WWOX: variants seen among roughly 807,000 people sequenced by gnomAD.
WWOX encodes WW domain-containing oxidoreductase.
A neutral mutation model predicts 46.2 loss-of-function variants in WWOX; 69 were observed. The observed-to-expected ratio is 1.49, with a 90% CI of 1.23 to 1.82. WWOX has a LOEUF of 1.82. WWOX is among the 40% of genes most tolerant of loss of function. The pLI is 0.00. For missense variants in WWOX, 919 were observed against 542.6 expected (o/e 1.69, Z -6.89); for synonymous variants, 359 against 202.6 (o/e 1.77, Z -6.56).
intron 8 of WWOX, among the ~76,000 whole-genome samples, chr16:79,211,343 ATTTAT>A (rs2051738522): frequency 6.6e-6 from 1 of 152,082 alleles, no homozygotes; most frequent in Non-Finnish European, 1.5e-5. Context: ...TGATATGTGT[ATTTAT>A]TTTCCAAGCC....
intron 8 of WWOX, among the ~76,000 whole-genome samples, chr16:78,608,107 G>T (rs2045806674): frequency 6.6e-6 from 1 of 152,142 alleles, no homozygotes; most frequent in Non-Finnish European, 1.5e-5. Context: ...GATGTGATGT[G>T]GCTTTCTCCA....
At chr16:78,299,433 G>T (rs561234561) in intron 5 of WWOX, among the ~76,000 whole-genome samples, 1 of 152,142 alleles carries the variant, frequency 6.6e-6, no homozygotes, top group Admixed American at 6.5e-5. Flanking sequence ...AAATCAATGT[G>T]CTGAATCAGT....
At chr16:78,437,282 A>T (rs1211409858) in intron 8 of WWOX, among the ~76,000 whole-genome samples, 2 of 152,052 alleles carry the variant, frequency 1.3e-5, no homozygotes, top group African/African-American at 4.8e-5. Context: ...TAATTAGGTC[A>T]CTCTTCATGG....
intron 8 of WWOX, among the ~76,000 whole-genome samples, chr16:78,949,607 G>A (rs1160623048): frequency 1.3e-5 from 2 of 152,182 alleles, no homozygotes; most frequent in Non-Finnish European, 2.9e-5. Flanking sequence ...TTTCACAGAT[G>A]AACACATTTC....
intron 8 of WWOX, among the ~76,000 whole-genome samples, chr16:78,816,932 A>C (rs1226592277): frequency 6.6e-6 from 1 of 152,150 alleles, no homozygotes; most frequent in African/African-American, 2.4e-5. Context: ...GTCCCAGAGT[A>C]AGTTATTATT....
intron 8 of WWOX, among the ~76,000 whole-genome samples, chr16:79,201,014 A>G (rs1185199050): frequency 6.6e-6 from 1 of 152,166 alleles, no homozygotes; most frequent in Non-Finnish European, 1.5e-5. Flanking sequence ...GTGCCCAGGA[A>G]ATGGCCAAAT....
At chr16:78,277,900 C>T (rs2079608896) in intron 5 of WWOX, among the ~76,000 whole-genome samples, 4 of 152,092 alleles carry the variant, frequency 2.6e-5, no homozygotes, top group Admixed American at 2.6e-4. Context: ...TTTGCTAACA[C>T]CGTGGAAATT....
chr16:78,316,060 A>G (rs1479005093), intron 5 of WWOX, among the ~76,000 whole-genome samples: 3 of 152,016 alleles, frequency 2.0e-5, no homozygotes, highest in Admixed American at 6.6e-5. Context: ...AGCCTGGCCC[A>G]CATGGTGAAA....
At chr16:79,186,623 G>A (rs148999200) in intron 8 of WWOX, among the ~76,000 whole-genome samples, 66 of 152,170 alleles carry the variant, frequency 4.3e-4, no homozygotes, top group African/African-American at 1.4e-3. Context: ...AGGCAATGGC[G>A]GTTGGGACTT....
intron 5 of WWOX, among the ~76,000 whole-genome samples, chr16:78,192,708 C>G (rs7205631): frequency 0.23 from 35,307 of 152,060 alleles, 4,308 homozygotes; most frequent in South Asian, 0.34. Context: ...TGGATATAGT[C>G]TCTTCCTTGT....
chr16:79,087,893 G>A (rs969259155), intron 8 of WWOX, among the ~76,000 whole-genome samples: 1 of 152,172 alleles, frequency 6.6e-6, no homozygotes, highest in Non-Finnish European at 1.5e-5. Flanking sequence ...GGATGTGGAA[G>A]GATGTTCTGG....
intron 8 of WWOX, among the ~76,000 whole-genome samples, chr16:78,808,014 G>C (rs961492575): frequency 4.6e-5 from 7 of 152,150 alleles, no homozygotes; most frequent in Admixed American, 3.9e-4. Context: ...CAGAATTAAA[G>C]TCAACCAGTT....
At chr16:78,291,721 T>TA (rs150174043) in intron 5 of WWOX, among the ~76,000 whole-genome samples, 3,060 of 150,830 alleles carry the variant, frequency 0.02, 53 homozygotes, top group African/African-American at 0.046. Flanking sequence ...AAAAAATAAA[T>TA]AAAAAAAAAG....
chr16:78,759,338 G>A (rs889606156), intron 8 of WWOX, among the ~76,000 whole-genome samples: 1 of 152,172 alleles, frequency 6.6e-6, no homozygotes, highest in Non-Finnish European at 1.5e-5. Flanking sequence ...GCCATAAAGA[G>A]CCAGGCAAGG....
intron 8 of WWOX, among the ~76,000 whole-genome samples, chr16:78,953,362 A>C (rs554586600): frequency 6.6e-6 from 1 of 152,184 alleles, no homozygotes; most frequent in Non-Finnish European, 1.5e-5. Context: ...GGCTTTGCAC[A>C]CTAATTGTAT....
At chr16:78,945,389 C>T (rs1044899175) in intron 8 of WWOX, among the ~76,000 whole-genome samples, 3 of 152,068 alleles carry the variant, frequency 2.0e-5, no homozygotes, top group African/African-American at 7.2e-5. Context: ...TTGTGAAATC[C>T]ACCCTTAGTT....
At chr16:78,668,695 G>C (rs929008972) in intron 8 of WWOX, among the ~76,000 whole-genome samples, 1 of 152,142 alleles carries the variant, frequency 6.6e-6, no homozygotes, top group Non-Finnish European at 1.5e-5. Context: ...CATCAGATGG[G>C]CTTTGGAATC....
chr16:78,516,077 A>G (rs192403961), intron 8 of WWOX, among the ~76,000 whole-genome samples: 35 of 152,090 alleles, frequency 2.3e-4, no homozygotes, highest in Non-Finnish European at 3.8e-4. Context: ...GCTCATCCCA[A>G]TTATTGAAAC....
intron 5 of WWOX, among the ~76,000 whole-genome samples, chr16:78,226,226 T>C (rs535125748): frequency 1.3e-5 from 2 of 152,214 alleles, no homozygotes; most frequent in African/African-American, 4.8e-5. Flanking sequence ...AGTTTGAGTT[T>C]AGGTTAAATT....
Sources: gnomAD v4.1 joint callset for allele counts (sites outside exome capture counted in the v4.1 genomes callset) on GRCh38, gnomAD v4.1.1 for gene constraint, MANE v1.5 for transcripts, NCBI Gene and HGNC (gene_info 2026-07-23, HGNC 2026-07-21) for gene names.